The following DYNC2I1 variants were observed in gnomAD, a reference collection of about 807,000 sequenced individuals.
DYNC2I1 encodes the protein dynein 2 intermediate chain 1.
In DYNC2I1, 89 loss-of-function variants were observed where a neutral mutation model predicts 133.4. The observed-to-expected ratio is 0.67, with a 90% CI of 0.56 to 0.80. The LOEUF (loss-of-function observed/expected upper bound fraction) is 0.80, where lower values mean the gene tolerates loss of function less well. Ranked by LOEUF, DYNC2I1 falls within the 30% of genes least tolerant of loss-of-function variation. The probability of loss-of-function intolerance (pLI) is 0.00; values close to 1 mark genes in which losing one functional copy is unlikely to be tolerated. For synonymous variants in DYNC2I1, 504 were observed against 484.3 expected, an observed-to-expected ratio of 1.04 and a Z score of -0.54; for missense variants, 1,291 against 1,314.5, an observed-to-expected ratio of 0.98 and a Z score of 0.28.
chr7:158,883,205 A>AT (rs954843130), intron 5 of DYNC2I1, among the ~76,000 whole-genome samples: 1 of 143,092 alleles, frequency 7.0e-6, no homozygotes, highest in African/African-American at 2.6e-5. Context: ...TCTATATGAT[A>AT]TTTTTTCTTC....
Position 158,926,979 on chromosome 7 carries a change from AT to A in DYNC2I1, c.2434-11del, listed in dbSNP as rs764162038. On this transcript the variant is annotated splice_polypyrimidine_tract_variant and intron_variant, in intron 19 of 24. Coordinates refer to ENST00000407559, the MANE Select transcript of DYNC2I1 (RefSeq NM_018051.5). The stretch of plus-strand genomic sequence containing the variant: ...AAATGTATCAATATTCATTTTCAAT[AT>A]TCTGTTTTTAGGTGGTTGTTGAATT... The A allele has an allele frequency of 8.2e-6, 13 of 1,585,208 alleles. No individual in the cohort carries two copies. The South Asian group carries it at 1.5e-4, about 18-fold the overall frequency.
At chr7:158,895,720 GA>G in intron 8 of DYNC2I1, among the ~76,000 whole-genome samples, 1 of 152,198 alleles carries the variant, frequency 6.6e-6, no homozygotes, top group East Asian at 1.9e-4. Context: ...GTCAAGTTGG[GA>G]AAAACTGACA....
chr7:158,947,697 C>T (rs1463802390), downstream of DYNC2I1, among the ~76,000 whole-genome samples: 1 of 152,222 alleles, frequency 6.6e-6, no homozygotes, highest in Non-Finnish European at 1.5e-5. Context: ...ACGTGAGCCT[C>T]CTGCCTGGCT....
intron 1 of DYNC2I1, among the ~76,000 whole-genome samples, chr7:158,861,531 C>T (rs765942470): frequency 3.9e-5 from 6 of 152,220 alleles, no homozygotes; most frequent in Non-Finnish European, 5.9e-5. Flanking sequence ...TCTCATCTGT[C>T]AGCCAAGTCT....
At chr7:158,860,889 T>C (rs993680471) in intron 1 of DYNC2I1, among the ~76,000 whole-genome samples, 1 of 152,236 alleles carries the variant, frequency 6.6e-6, no homozygotes, top group African/African-American at 2.4e-5. Flanking sequence ...CTGAATGTTT[T>C]AGAGTAGCTA....
intron 1 of DYNC2I1, among the ~76,000 whole-genome samples, chr7:158,858,648 T>G (rs1841548514): frequency 6.6e-6 from 1 of 152,182 alleles, no homozygotes; most frequent in South Asian, 2.1e-4. Context: ...GCTCACTGAC[T>G]TTATGTTCTC....
chr7:158,917,817 A>C (rs1848626822), intron 14 of DYNC2I1, among the ~76,000 whole-genome samples: 1 of 152,006 alleles, frequency 6.6e-6, no homozygotes, highest in East Asian at 1.9e-4. Context: ...TCTTCCTGTC[A>C]GTTCTCATTA....
chr7:158,954,961 A>G (rs1284430681), intron 4 of DYNC2I1, among the ~76,000 whole-genome samples: 1 of 150,652 alleles, frequency 6.6e-6, no homozygotes, highest in Non-Finnish European at 1.5e-5. Flanking sequence ...GTCTTTAGAC[A>G]ACCTTCTCCT....
intron 22 of DYNC2I1, 52 bp from the exon 23 acceptor site, chr7:158,934,366 A>G (rs1563198714): frequency 4.4e-6 from 7 of 1,580,122 alleles, no homozygotes; most frequent in Non-Finnish European, 6.0e-6. Flanking sequence ...AGCTGTATCC[A>G]ATCTCGTGTG....
At chr7:158,958,172 T>G (rs1015926089), downstream of DYNC2I1, among the ~76,000 whole-genome samples, 16 of 152,184 alleles carry the variant, frequency 1.1e-4, no homozygotes, top group South Asian at 6.2e-4. Flanking sequence ...GGTCTGCACC[T>G]GCCCGTCAGC....
At position 158,891,408 on chromosome 7, in the gene DYNC2I1, G is replaced by C. The variant is rs976919044; in HGVS notation, c.1059+75G>C. 5 of 1,554,554 alleles carry C rather than the reference G, an allele frequency of 3.2e-6. No homozygotes were observed. The African/African-American group carries it at 5.4e-5, about 17-fold the overall frequency. On this transcript the variant is annotated intron_variant, in intron 8 of 24. Coordinates refer to ENST00000407559, the MANE Select transcript of DYNC2I1 (RefSeq NM_018051.5). ...CCCACTCACATTTGCTTGCTTTCCT[G>C]TCAGCATTTTGCTAGTGCAATTATT...
At chr7:158,849,904 T>C in the DYNC2I1 span, among the ~76,000 whole-genome samples, 2 of 152,246 alleles carry the variant, frequency 1.3e-5, no homozygotes, top group Non-Finnish European at 2.9e-5. Context: ...GCCCCCACTC[T>C]GGTCTGTAGG....
chr7:158,894,266 A>G (rs1222210213), intron 8 of DYNC2I1, among the ~76,000 whole-genome samples: 1 of 152,132 alleles, frequency 6.6e-6, no homozygotes, highest in Admixed American at 6.6e-5. Context: ...ATCATGGCGC[A>G]TATCCTACCA....
At position 158,879,834 on chromosome 7, in the gene DYNC2I1, A is replaced by C. The variant is rs1449626262; in HGVS notation, c.724A>C (p.Lys242Gln). 6.2e-7 allele frequency: 1 copy of C among 1,613,470 alleles called. No homozygotes were observed. The highest frequency in any genetic ancestry group is 8.5e-7 in the Non-Finnish European group (1 of 1,179,646). Residue 242 changes from lysine to glutamine, a missense_variant, in exon 5 of 25, where the codon AAA (lysine) becomes CAA (glutamine). Lys to Gln is a moderately conservative substitution (Grantham distance 53, BLOSUM62 1). Coordinates refer to ENST00000407559, the MANE Select transcript of DYNC2I1 (RefSeq NM_018051.5). ...AAGGGAAAAAAGAGAGAAATATTCC[A>C]AAGAGAAAAGTAATTCATTCTCTGA... is the stretch of plus-strand genomic sequence containing the variant. The part of the protein sequence containing the change: ...STREKREKYS[K>Q]EKSNSFSDKG...
At chr7:158,848,699 C>CGGGT in the DYNC2I1 span, among the ~76,000 whole-genome samples, 1 of 151,978 alleles carries the variant, frequency 6.6e-6, no homozygotes, top group African/African-American at 2.4e-5. Flanking sequence ...CCGAGGCGGG[C>CGGGT]GGATCACGAG....
At chr7:158,888,019 CT>C (rs545903783) in intron 7 of DYNC2I1, among the ~76,000 whole-genome samples, 268 of 96,598 alleles carry the variant, frequency 2.8e-3, no homozygotes, top group South Asian at 5.1e-3. Flanking sequence ...AACCATTGTC[CT>C]TTTTTTTTTT....
At chr7:158,849,490 G>A in the DYNC2I1 span, among the ~76,000 whole-genome samples, 1 of 152,188 alleles carries the variant, frequency 6.6e-6, no homozygotes, top group South Asian at 2.1e-4. Context: ...GAAGAATGAG[G>A]TACACAGACA....
At chr7:158,883,658 C>CTT (rs762388455) in intron 5 of DYNC2I1, among the ~76,000 whole-genome samples, 1,802 of 86,014 alleles carry the variant, frequency 0.021, 2 homozygotes, top group Non-Finnish European at 0.026. Flanking sequence ...CCAGTGACTT[C>CTT]TTTTTTTTTT....
chr7:158,871,418 A>G lies in DYNC2I1; in HGVS notation c.346A>G (p.Ser116Gly). Residue 116 changes from serine to glycine, a missense_variant, in exon 3 of 25, where the codon AGC (serine) becomes GGC (glycine). Ser to Gly is a moderately conservative substitution (Grantham distance 56). Coordinates refer to ENST00000407559, the MANE Select transcript of DYNC2I1 (RefSeq NM_018051.5). ...EKHREAEKSH[S>G]RGKDREKEKD... ...ACATCGAGAGGCAGAAAAGTCTCAC[A>G]GCAGAGGAAAGGACAGGGAAAAAGA... 4.5e-6 allele frequency: 7 copies of G among 1,551,658 alleles called. No homozygotes were observed. Among genetic ancestry groups the G allele is most frequent in the Non-Finnish European group, 5.2e-6 (6 of 1,147,002 alleles).
Sources: gnomAD v4.1 joint callset for allele counts (sites outside exome capture counted in the v4.1 genomes callset) on GRCh38, gnomAD v4.1.1 for gene constraint, MANE v1.5 for transcripts, NCBI Gene and HGNC (gene_info 2026-07-23, HGNC 2026-07-21) for gene names.